PGM1: variants seen among roughly 807,000 people sequenced by gnomAD.
The protein encoded by PGM1 is phosphoglucomutase 1, also known as phosphoglucomutase-1.
Under a neutral mutation model 55.6 loss-of-function variants are expected in PGM1, and 52 were observed. The observed-to-expected ratio is 0.94, with a 90% CI of 0.75 to 1.18. The LOEUF is 1.18. Among genes scored for constraint, PGM1 ranks in the 50% most tolerant of loss-of-function variants. The pLI is 0.00. For missense variants in PGM1, 724 were observed against 729.3 expected (o/e 0.99, Z 0.08); for synonymous variants, 287 against 271.7 (o/e 1.06, Z -0.55).
chr1:63,656,606 G>GTGTA (rs1649976451), intron 10 of PGM1, among the ~76,000 whole-genome samples: 1 of 118,858 alleles, frequency 8.4e-6, no homozygotes, highest in Non-Finnish European at 1.6e-5. Context: ...GTGTGTGTGT[G>GTGTA]TATACCACAA....
chr1:63,654,692 C>A (rs1570518729), intron 10 of PGM1, among the ~76,000 whole-genome samples: 1 of 152,032 alleles, frequency 6.6e-6, no homozygotes, highest in South Asian at 2.1e-4. Flanking sequence ...GGAGGTCAAG[C>A]CTGCAGTGAG....
intron 7 of PGM1, among the ~76,000 whole-genome samples, chr1:63,643,725 A>T (rs1649581013): frequency 6.6e-6 from 1 of 152,132 alleles, no homozygotes; most frequent in Non-Finnish European, 1.5e-5. Context: ...CTTTGGGCCA[A>T]CCCCTGTTTG....
At chr1:63,613,179 G>C (rs532640040) in intron 1 of PGM1, among the ~76,000 whole-genome samples, 15 of 151,784 alleles carry the variant, frequency 9.9e-5, no homozygotes, top group African/African-American at 3.2e-4. Context: ...TAGGGGGTTG[G>C]GGGGCAGGGT....
At position 63,648,629 on chromosome 1, in the gene PGM1, G is replaced by A. The variant is rs371451091; in HGVS notation, c.1257G>A (p.Lys419=). ...VEDILKDHWQ[K]YGRNFFTRYD... Reference sequence around the variant, plus strand: ...ACATTCTCAAAGATCATTGGCAAAAGTATGGCCGGAATTTCTTCACCAGGT... The same window carrying A: ...ACATTCTCAAAGATCATTGGCAAAAATATGGCCGGAATTTCTTCACCAGGT... The change falls in exon 8 of 11, where the codon AAG becomes AAA. Residue 419 remains lysine, a synonymous_variant. Coordinates refer to ENST00000371084, the MANE Select transcript of PGM1 (RefSeq NM_002633.3). 32 of 1,614,016 alleles carry A rather than the reference G, an allele frequency of 2.0e-5. No homozygotes were observed. The highest frequency in any genetic ancestry group is 2.6e-5 in the Non-Finnish European group (31 of 1,180,020).
rs1455730540 is a variant in PGM1, at chr1:63,651,822, C to T, written c.1434C>T (p.Asp478=). The part of the protein sequence containing the change: ...VEKADNFEYS[D]PVDGSISRNQ... ...AGGCCGATAACTTTGAATACAGCGA[C>T]CCAGTGGATGGAAGCATTTCAAGAA... The change falls in exon 9 of 11, where the codon GAC becomes GAT. Residue 478 remains aspartate (D), a synonymous_variant. Transcript: ENST00000371084. The T allele has an allele frequency of 2.5e-6, 4 of 1,613,916 alleles. No individual in the cohort carries two copies. In the African/African-American group the frequency reaches 5.3e-5, roughly 22 times the overall value.
chr1:63,595,486 A>G lies in PGM1; in HGVS notation c.246+1752A>G, dbSNP rs74800754. Among the ~76,000 whole-genome samples the G allele has an allele frequency of 3.9e-3, 591 of 152,318 alleles. 3 individuals carry two copies. Among genetic ancestry groups the G allele is most frequent in the African/African-American group, 0.012 (484 of 41,572 alleles). ...ATCTACATCTGCCTTCCTGGGCCAA[A>G]CATTTATAAGCATCAGTGAGAGAAG... On this transcript the variant is annotated intron_variant, in intron 1 of 10. Transcript: ENST00000371084.
rs531893422 is a variant in PGM1 at position 63,634,803 on chromosome 1, A to G, written c.683-26A>G. On this transcript the variant is annotated intron_variant, in intron 4 of 10. Coordinates refer to ENST00000371084, the MANE Select transcript of PGM1 (RefSeq NM_002633.3). ...AAGGAGTTTTATTTTCTGATTCTGC[A>G]TACATTTATTCCATGCTGTATATAG... 1.8e-5 allele frequency: 29 copies of G among 1,592,464 alleles called. No individual in the cohort carries two copies. The East Asian group carries it at 2.0e-4, about 11-fold the overall frequency.
chr1:63,613,246 G>T, intron 1 of PGM1, among the ~76,000 whole-genome samples: 1 of 146,972 alleles, frequency 6.8e-6, no homozygotes, highest in Non-Finnish European at 1.5e-5. Flanking sequence ...TGCTGCAAAA[G>T]GAGTTGGCTT....
At chr1:63,602,439 T>A (rs1648270333) in intron 1 of PGM1, among the ~76,000 whole-genome samples, 1 of 152,250 alleles carries the variant, frequency 6.6e-6, no homozygotes, top group Non-Finnish European at 1.5e-5. Flanking sequence ...CCATATGGCT[T>A]ATTTTGGCAA....
chr1:63,627,059 C>A (rs892355087), intron 1 of PGM1, among the ~76,000 whole-genome samples: 3 of 124,546 alleles, frequency 2.4e-5, no homozygotes, highest in Non-Finnish European at 1.7e-5. Flanking sequence ...CAGGACCCCC[C>A]CCCCCCCACA....
chr1:63,603,824 G>A (rs855316), intron 1 of PGM1, among the ~76,000 whole-genome samples: 115,634 of 152,166 alleles, frequency 0.76, 44,549 homozygotes, highest in African/African-American at 0.87. Context: ...AGACTGAGCA[G>A]GGGCCTGTGG....
intron 1 of PGM1, among the ~76,000 whole-genome samples, chr1:63,606,055 A>G (rs754511009): frequency 6.6e-6 from 1 of 152,084 alleles, no homozygotes; most frequent in South Asian, 2.1e-4. Flanking sequence ...GCAGAACCCA[A>G]CCTGCCTTTA....
At chr1:63,639,182 T>C (rs953521252) in intron 7 of PGM1, among the ~76,000 whole-genome samples, 5 of 152,304 alleles carry the variant, frequency 3.3e-5, no homozygotes, top group Non-Finnish European at 7.3e-5. Context: ...GTTTTTTGTT[T>C]TTATTTAAGA....
At chr1:63,623,380 C>A (rs1213824409) in intron 1 of PGM1, 1 of 1,538,018 alleles carries the variant, frequency 6.5e-7, no homozygotes, top group Non-Finnish European at 8.7e-7. Flanking sequence ...ACTGTTGCAG[C>A]TTCAGGTTGG....
At position 63,632,218 on chromosome 1, in the gene PGM1, T is replaced by G. The variant is rs191799607; in HGVS notation, c.682+436T>G. 2.2e-3 allele frequency among the ~76,000 whole-genome samples: 330 copies of G among 152,232 alleles called. 1 individual carries two copies. The highest frequency in any genetic ancestry group is 5.7e-4 in the Non-Finnish European group (39 of 68,014). On this transcript the variant is annotated intron_variant, in intron 4 of 10. Coordinates refer to ENST00000371084, the MANE Select transcript of PGM1 (RefSeq NM_002633.3). ...TTCTTAGAAGAGGGCAAGAGCAAGC[T>G]GAGGATTAAATTCAGGAGCAACATG...
intron 6 of PGM1, 76 bp from the exon 7 acceptor site, chr1:63,638,609 A>G (rs1003826692): frequency 2.2e-6 from 2 of 903,250 alleles, no homozygotes; most frequent in African/African-American, 3.3e-5. Context: ...TACAATAACG[A>G]TTGCCCTTTT....
At chr1:63,658,899 G>A (rs190893799) in intron 10 of PGM1, among the ~76,000 whole-genome samples, 1 of 152,326 alleles carries the variant, frequency 6.6e-6, no homozygotes, top group African/African-American at 2.4e-5. Flanking sequence ...ATGGTGGAAG[G>A]CAAGAAAGAG....
chr1:63,657,798 T>C (rs1250943464), intron 10 of PGM1, among the ~76,000 whole-genome samples: 1 of 152,230 alleles, frequency 6.6e-6, no homozygotes, highest in Admixed American at 6.5e-5. Flanking sequence ...GGCCCCAGTT[T>C]CAGTCATCAC....
chr1:63,596,944 G>C (rs1420638813), intron 1 of PGM1, among the ~76,000 whole-genome samples: 2 of 152,180 alleles, frequency 1.3e-5, no homozygotes, highest in Non-Finnish European at 2.9e-5. Flanking sequence ...TTGATTTAAA[G>C]CCAGCATGTA....
Sources: allele counts gnomAD v4.1 joint callset (sites outside exome capture counted in the v4.1 genomes callset), GRCh38; gene constraint gnomAD v4.1.1; transcripts MANE v1.5; gene names NCBI Gene and HGNC (gene_info 2026-07-23, HGNC 2026-07-21).